Variants in NUP210L observed in about 807,000 individuals in gnomAD.
NUP210L encodes the protein nucleoporin 210 like, also known as nuclear pore membrane glycoprotein 210-like.
Under a neutral mutation model 208.5 loss-of-function variants are expected in NUP210L, and 74 were observed. The observed-to-expected ratio is 0.35, with a 90% confidence interval of 0.29 to 0.43. The LOEUF (loss-of-function observed/expected upper bound fraction) is 0.43, where lower values mean the gene tolerates loss of function less well. Ranked by LOEUF, NUP210L falls within the 20% of genes least tolerant of loss-of-function variation. The pLI is 1.00. For synonymous variants in NUP210L, 780 were observed against 816.9 expected (o/e 0.95, Z 0.77); for missense variants, 1,843 against 2,289.4 (o/e 0.81, Z 3.98).
intron 22 of NUP210L, 34 bp downstream of exon 22, chr1:154,058,055 C>T (rs1653962114): frequency 6.2e-7 from 1 of 1,611,926 alleles, no homozygotes; most frequent in Admixed American, 1.7e-5. Flanking sequence ...TTATGATATG[C>T]AGAGTGGGAA....
At chr1:154,058,245 CA>C (rs1653974425) in intron 21 of NUP210L, 29 bp from the exon 22 acceptor site, 1 of 1,611,494 alleles carries the variant, frequency 6.2e-7, no homozygotes, top group Non-Finnish European at 8.5e-7. Flanking sequence ...AAGATTTTAG[CA>C]AAGGTGTCTC....
Position 154,118,889 on chromosome 1 carries a change from G to T in NUP210L, c.1327-81C>A, listed in dbSNP as rs2148099998. On this transcript the variant is annotated intron_variant, in intron 10 of 39. Transcript: ENST00000368559. ...ACACATTCATATACTCAAAACATCA[G>T]CAAAATGGTATGCTCATAAATTACT... The T allele has an allele frequency of 6.9e-6, 5 of 723,624 alleles. No homozygotes were observed. The South Asian group carries it at 1.1e-4, about 15-fold the overall frequency. The allele number at this position is 723,624 out of a possible 1,614,324, so 44.8% of individuals were successfully genotyped here.
chr1:154,136,452 A>AAAAT (rs1176868379), intron 6 of NUP210L, among the ~76,000 whole-genome samples: 6 of 151,808 alleles, frequency 4.0e-5, no homozygotes, highest in East Asian at 1.9e-4. Flanking sequence ...ACTCCGTCTC[A>AAAAT]AAATAAATAA....
intron 10 of NUP210L, among the ~76,000 whole-genome samples, chr1:154,124,151 C>T (rs1325834541): frequency 2.0e-5 from 3 of 146,522 alleles, no homozygotes; most frequent in Non-Finnish European, 4.5e-5. Context: ...CGCGCCACTG[C>T]GCTCCAGCCT....
intron 27 of NUP210L, among the ~76,000 whole-genome samples, chr1:154,042,927 G>A (rs1652970795): frequency 6.7e-6 from 1 of 148,602 alleles, no homozygotes; most frequent in Non-Finnish European, 1.5e-5. Context: ...GCTCAGGCTG[G>A]TCTTGAACTC....
intron 23 of NUP210L, among the ~76,000 whole-genome samples, 175 bp from the exon 24 acceptor site, chr1:154,055,007 C>T (rs1653737302): frequency 6.6e-6 from 1 of 151,936 alleles, no homozygotes; most frequent in African/African-American, 2.4e-5. Flanking sequence ...CTCAAGCAAT[C>T]CTCCGGCTTT....
At chr1:154,154,670 C>G (rs1298352541) in intron 1 of NUP210L, among the ~76,000 whole-genome samples, 172 bp downstream of exon 1, 1 of 152,192 alleles carries the variant, frequency 6.6e-6, no homozygotes, top group Non-Finnish European at 1.5e-5. Flanking sequence ...CACGCCACAC[C>G]CAAGGGTCTG....
intron 3 of NUP210L, among the ~76,000 whole-genome samples, chr1:154,142,588 G>C (rs752605241): frequency 2.0e-5 from 3 of 152,074 alleles, no homozygotes; most frequent in Non-Finnish European, 2.9e-5. Context: ...TGGTAGATTT[G>C]GGTATCTAAG....
intron 27 of NUP210L, among the ~76,000 whole-genome samples, chr1:154,042,818 C>T (rs1652962794): frequency 6.7e-6 from 1 of 149,696 alleles, no homozygotes; most frequent in Non-Finnish European, 1.5e-5. Context: ...TTCAAGGAAT[C>T]CTCTTGCCTC....
At chr1:154,021,231 C>T (rs1651543037) in intron 32 of NUP210L, among the ~76,000 whole-genome samples, 1 of 152,210 alleles carries the variant, frequency 6.6e-6, no homozygotes, top group Non-Finnish European at 1.5e-5. Flanking sequence ...TGGGCCACCG[C>T]ACCTGGCTTA....
chr1:154,066,487 T>C (rs1252731524), intron 17 of NUP210L, among the ~76,000 whole-genome samples: 1 of 152,158 alleles, frequency 6.6e-6, no homozygotes, highest in African/African-American at 2.4e-5. Context: ...GGCGGGCGCC[T>C]GTAGTCCCAG....
Position 154,060,955 on chromosome 1 carries a change from TG to T in NUP210L, c.2734del (p.His912ThrfsTer4). 6.2e-7 allele frequency: 1 copy of T among 1,606,288 alleles called. No individual in the cohort carries two copies. The highest frequency in any genetic ancestry group is 1.3e-5 in the African/African-American group (1 of 74,842). On this transcript the variant is annotated frameshift_variant, in exon 19 of 40. Transcript: ENST00000368559. LOFTEE classifies it high-confidence loss of function. Reference sequence around the variant, plus strand: ...TACAGCTTCTACCTTTACATCAGGGTGGTTATAGATGGTGGCATTCTCAGGC... The same window carrying T: ...TACAGCTTCTACCTTTACATCAGGGTGTTATAGATGGTGGCATTCTCAGGC...
At chr1:154,022,249 G>A (rs200273480) in exon 32 of NUP210L, 74 of 1,613,894 alleles carry the variant, frequency 4.6e-5, no homozygotes, top group Admixed American at 6.7e-5. Flanking sequence ...GGATGTCTCC[G>A]GTCCCAAAGC....
chr1:154,098,634 G>T (rs1170995026), intron 14 of NUP210L, among the ~76,000 whole-genome samples: 1 of 152,144 alleles, frequency 6.6e-6, no homozygotes, highest in Non-Finnish European at 1.5e-5. Flanking sequence ...CTTCTGCCCA[G>T]CTCCGGCTGA....
chr1:154,075,957 T>C (rs1190050984), intron 16 of NUP210L, among the ~76,000 whole-genome samples: 2 of 151,400 alleles, frequency 1.3e-5, no homozygotes, highest in African/African-American at 4.9e-5. Context: ...GCATGGCTAA[T>C]TTTTGTATTT....
At chr1:154,073,912 T>C (rs904618581) in intron 16 of NUP210L, among the ~76,000 whole-genome samples, 2 of 152,064 alleles carry the variant, frequency 1.3e-5, no homozygotes, top group Non-Finnish European at 2.9e-5. Context: ...TTAGCATCTC[T>C]TGACAACTCT....
At chr1:154,045,936 G>T in intron 27 of NUP210L, 133 bp downstream of exon 27, 2 of 770,472 alleles carry the variant, frequency 2.6e-6, no homozygotes, top group East Asian at 2.9e-5. Context: ...AGTGAGCTGA[G>T]ATTGCACCAC....
At chr1:154,045,166 C>T (rs1173237039) in intron 27 of NUP210L, among the ~76,000 whole-genome samples, 1 of 152,072 alleles carries the variant, frequency 6.6e-6, no homozygotes, top group Non-Finnish European at 1.5e-5. Context: ...AGTTGATAGG[C>T]GACTACAGCT....
intron 16 of NUP210L, chr1:154,079,480 T>C (rs1655203114): frequency 6.6e-6 from 1 of 151,768 alleles, no homozygotes; most frequent in South Asian, 2.1e-4. Flanking sequence ...GCTAAGGGAG[T>C]TGAATAGAAC....
Sources: gnomAD v4.1 joint callset for allele counts (sites outside exome capture counted in the v4.1 genomes callset) on GRCh38, gnomAD v4.1.1 for gene constraint, MANE v1.5 for transcripts, NCBI Gene and HGNC (gene_info 2026-07-23, HGNC 2026-07-21) for gene names.